The following EYS variants were observed in gnomAD, a reference collection of about 807,000 sequenced individuals.
EYS encodes the protein protein eyes shut homolog.
A neutral mutation model predicts 282.1 loss-of-function variants in EYS; 250 were observed. That is an observed-to-expected ratio of 0.89 (90% CI 0.80 to 0.98). The LOEUF is 0.98. Among genes scored for constraint, EYS ranks in the 50% least tolerant of loss-of-function variants. The pLI, the probability that EYS is intolerant of heterozygous loss-of-function variation, is 0.00. For synonymous variants in EYS, 1,355 were observed against 1,282.9 expected, an observed-to-expected ratio of 1.06 and a Z score of -1.20; for missense variants, 4,016 against 3,709.0, an observed-to-expected ratio of 1.08 and a Z score of -2.15.
intron 12 of EYS, among the ~76,000 whole-genome samples, chr6:65,240,201 C>T (rs2150275216): frequency 6.6e-6 from 1 of 152,200 alleles, no homozygotes; most frequent in African/African-American, 2.4e-5. Context: ...ATCTCCTGAC[C>T]TTGTGATCCA....
intron 14 of EYS, among the ~76,000 whole-genome samples, chr6:64,983,082 T>A (rs1770734244): frequency 6.6e-6 from 1 of 151,192 alleles, no homozygotes; most frequent in Non-Finnish European, 1.5e-5. Flanking sequence ...TCGGTTTTAT[T>A]TTTCCTCCAC....
intron 28 of EYS, among the ~76,000 whole-genome samples, chr6:64,425,558 G>T (rs9451555): frequency 0.024 from 3,592 of 151,384 alleles, 76 homozygotes; most frequent in African/African-American, 0.06. Flanking sequence ...AGAGGCTCAG[G>T]CAGGAGAATC....
chr6:64,879,073 C>T (rs1201872993), intron 19 of EYS, among the ~76,000 whole-genome samples: 1 of 152,044 alleles, frequency 6.6e-6, no homozygotes, highest in African/African-American at 2.4e-5. Context: ...TTATGTGTTG[C>T]CCTTTTAGCA....
chr6:64,148,524 A>G (rs1209053843), intron 31 of EYS, among the ~76,000 whole-genome samples: 1 of 152,178 alleles, frequency 6.6e-6, no homozygotes. Context: ...TATCTCACAC[A>G]TCAATAGTTA....
intron 8 of EYS, among the ~76,000 whole-genome samples, chr6:65,370,084 A>C (rs1179650161): frequency 6.6e-6 from 1 of 151,656 alleles, no homozygotes; most frequent in African/African-American, 2.4e-5. Context: ...TGTTTAATTC[A>C]GGCTTTAGTA....
chr6:63,965,077 G>A (rs1582043701), intron 35 of EYS, among the ~76,000 whole-genome samples: 1 of 152,080 alleles, frequency 6.6e-6, no homozygotes, highest in African/African-American at 2.4e-5. Flanking sequence ...AGATTAAGTT[G>A]GCTATTTCAA....
chr6:65,320,951 A>G (rs1292724377), intron 11 of EYS, among the ~76,000 whole-genome samples: 1 of 152,186 alleles, frequency 6.6e-6, no homozygotes. Context: ...TCAGGTCTGC[A>G]TCACAACCTG....
intron 11 of EYS, among the ~76,000 whole-genome samples, chr6:65,307,032 G>A (rs369111629): frequency 0.047 from 6,603 of 140,176 alleles, 191 homozygotes; most frequent in South Asian, 0.089. Context: ...TTTGAAGCAC[G>A]CCTCTTCAGG....
At position 64,802,720 on chromosome 6, in the gene EYS, T is replaced by G. The variant is rs574281374; in HGVS notation, c.3443+10658A>C. On this transcript the variant is annotated intron_variant, in intron 22 of 42. Transcript: ENST00000503581. Reference sequence around the variant, plus strand: ...TAATTAATAACAAACTATCTCAAGATGAAGTTTACCAGTGAGTTCCCTGGT... The same window carrying G: ...TAATTAATAACAAACTATCTCAAGAGGAAGTTTACCAGTGAGTTCCCTGGT... 2.8e-4 allele frequency among the ~76,000 whole-genome samples: 42 copies of G among 152,258 alleles called. No individual in the cohort carries two copies. In the South Asian group the frequency reaches 8.7e-3, roughly 32 times the overall value.
At chr6:63,767,376 A>G (rs1769815389) in intron 40 of EYS, among the ~76,000 whole-genome samples, 1 of 152,138 alleles carries the variant, frequency 6.6e-6, no homozygotes, top group African/African-American at 2.4e-5. Flanking sequence ...AAATAACTTC[A>G]GTAAAATTTC....
chr6:65,376,702 A>C (rs1472678309), intron 8 of EYS, among the ~76,000 whole-genome samples: 1 of 152,172 alleles, frequency 6.6e-6, no homozygotes, highest in Admixed American at 6.6e-5. Context: ...ATGGAAAGCA[A>C]AAAAAGCAGG....
chr6:63,936,698 G>A (rs1341418287), intron 35 of EYS, among the ~76,000 whole-genome samples: 4 of 152,146 alleles, frequency 2.6e-5, no homozygotes, highest in Admixed American at 2.0e-4. Flanking sequence ...CACAGATCAA[G>A]GTCAGTTTCT....
At chr6:65,554,580 C>T (rs577064354) in intron 2 of EYS, among the ~76,000 whole-genome samples, 4 of 152,272 alleles carry the variant, frequency 2.6e-5, no homozygotes, top group African/African-American at 7.2e-5. Flanking sequence ...TATCTGCCTT[C>T]TACAGTAATT....
chr6:64,901,483 T>C (rs1018060008), intron 18 of EYS, among the ~76,000 whole-genome samples: 1 of 151,626 alleles, frequency 6.6e-6, no homozygotes, highest in Non-Finnish European at 1.5e-5. Flanking sequence ...AATAAAAACA[T>C]TTATTCCCTG....
chr6:64,122,086 A>G (rs559874281), intron 31 of EYS, among the ~76,000 whole-genome samples: 1 of 152,222 alleles, frequency 6.6e-6, no homozygotes, highest in East Asian at 1.9e-4. Context: ...TAAATATATT[A>G]GCTGTTTTCC....
chr6:64,839,718 C>G (rs186424308), intron 19 of EYS, among the ~76,000 whole-genome samples: 43 of 152,004 alleles, frequency 2.8e-4, no homozygotes, highest in African/African-American at 1.0e-3. Context: ...AGGTTTGGTG[C>G]CTGGTAAATG....
intron 35 of EYS, among the ~76,000 whole-genome samples, chr6:63,907,875 C>T (rs1029643026): frequency 4.6e-5 from 7 of 151,550 alleles, no homozygotes; most frequent in African/African-American, 1.7e-4. Context: ...TAATATTTGC[C>T]TTTTGTTTGA....
chr6:65,168,772 G>C (rs1765036203), intron 12 of EYS, among the ~76,000 whole-genome samples: 1 of 151,040 alleles, frequency 6.6e-6, no homozygotes, highest in South Asian at 2.1e-4. Context: ...TTTCAAGACG[G>C]GATTTTACTA....
chr6:64,267,903 C>T (rs1767813995), intron 30 of EYS, among the ~76,000 whole-genome samples: 2 of 152,056 alleles, frequency 1.3e-5, no homozygotes, highest in South Asian at 4.1e-4. Flanking sequence ...TAGGTTTTTG[C>T]TCTCTTATGT....
Sources: allele counts gnomAD v4.1 joint callset (sites outside exome capture counted in the v4.1 genomes callset), GRCh38; gene constraint gnomAD v4.1.1; transcripts MANE v1.5; gene names NCBI Gene and HGNC (gene_info 2026-07-23, HGNC 2026-07-21).